EPHX1: variants seen among roughly 807,000 people sequenced by gnomAD.
EPHX1 encodes epoxide hydrolase 1, also known as epoxide hydratase.
A neutral mutation model predicts 43.2 loss-of-function variants in EPHX1; 40 were observed. That is an observed-to-expected ratio of 0.93 (90% CI 0.72 to 1.21). EPHX1 has a LOEUF of 1.21. EPHX1 is among the 50% of genes most tolerant of loss of function. The pLI is 0.00. For missense variants in EPHX1, 550 were observed against 570.4 expected, an observed-to-expected ratio of 0.96 and a Z score of 0.36; for synonymous variants, 221 against 226.7, an observed-to-expected ratio of 0.98 and a Z score of 0.22.
At chr1:225,835,704 CTT>C (rs112510399) in intron 3 of EPHX1, among the ~76,000 whole-genome samples, 18 of 141,714 alleles carry the variant, frequency 1.3e-4, no homozygotes, top group Admixed American at 1.4e-4. Flanking sequence ...TTTTTCTTTC[CTT>C]TTTTTTTTTT....
intron 1 of EPHX1, among the ~76,000 whole-genome samples, chr1:225,821,330 C>T (rs909553714): frequency 1.3e-5 from 2 of 151,762 alleles, no homozygotes; most frequent in African/African-American, 4.8e-5. Context: ...CTGCAACCTC[C>T]GCCTACCCAG....
At chr1:225,810,231 G>A (rs1666404145) in intron 1 of EPHX1, 62 bp downstream of exon 1, 1 of 151,268 alleles carries the variant, frequency 6.6e-6, no homozygotes, top group Admixed American at 6.6e-5. Flanking sequence ...CGGGCTCCGC[G>A]CGGGCTCGGC....
chr1:225,825,265 A>G (rs1424403517), intron 1 of EPHX1: 1 of 152,240 alleles, frequency 6.6e-6, no homozygotes, highest in East Asian at 1.9e-4. Flanking sequence ...CTGTGCACAC[A>G]TGAGATTGGC....
chr1:225,833,136 G>A (rs973560265), intron 3 of EPHX1, among the ~76,000 whole-genome samples: 2 of 152,146 alleles, frequency 1.3e-5, no homozygotes, highest in African/African-American at 4.8e-5. Flanking sequence ...TGGTACTATA[G>A]GCGAGCACCA....
Position 225,817,292 on chromosome 1 carries a change from G to T in EPHX1, c.-6+7123G>T, listed in dbSNP as rs1289047108. Among the ~76,000 whole-genome samples the T allele has an allele frequency of 6.6e-6, 1 of 152,202 alleles. No individual in the cohort carries two copies. Among genetic ancestry groups the T allele is most frequent in the African/African-American group, 2.4e-5 (1 of 41,456 alleles). On this transcript the variant is annotated intron_variant, in intron 1 of 8. Coordinates refer to ENST00000272167, the MANE Select transcript of EPHX1 (RefSeq NM_001136018.4). The surrounding 1 kb of genome is among the most constrained non-coding windows in gnomAD (Gnocchi z 5.7). ...GCCAGCCAAGGGAGTGGGGCTGGGA[G>T]CTTCAGGATGGCTTTTGGGAAGCCC... is the stretch of plus-strand genomic sequence containing the variant.
In EPHX1 at chr1:225,828,875, GC is replaced by G; in HGVS notation, c.149del (p.Pro50LeufsTer41). The stretch of plus-strand genomic sequence containing the variant: ...GCAGCCAGGGAGGACGACAGCATCC[GC>G]CCTTTCAAGGTGGAAACGTCAGATG... ...RSAAREDDSI[R>X]PFKVETSDEE... On this transcript the variant is annotated frameshift_variant, in exon 2 of 9. Transcript: ENST00000272167. LOFTEE classifies it high-confidence loss of function. 6.3e-7 allele frequency: 1 copy of G among 1,599,710 alleles called. No homozygotes were observed. Among genetic ancestry groups the G allele is most frequent in the South Asian group, 1.1e-5 (1 of 89,412 alleles).
intron 1 of EPHX1, among the ~76,000 whole-genome samples, chr1:225,815,425 T>C (rs1330734206): frequency 2.5e-5 from 2 of 81,030 alleles, no homozygotes; most frequent in East Asian, 5.7e-4. Context: ...TTTTTTTTTT[T>C]TTTTTTTTGT....
chr1:225,834,266 A>G (rs2671269), intron 3 of EPHX1, among the ~76,000 whole-genome samples: 121,540 of 151,204 alleles, frequency 0.8, 48,863 homozygotes, highest in East Asian at 0.96. Context: ...TTAGCTGGGC[A>G]TGGTGGCACG....
At chr1:225,837,671 G>A (rs756336996) in intron 3 of EPHX1, among the ~76,000 whole-genome samples, 24 of 152,120 alleles carry the variant, frequency 1.6e-4, no homozygotes, top group Non-Finnish European at 1.2e-4. Flanking sequence ...GCGCCTGTCA[G>A]CATGCCCGGG....
chr1:225,839,118 G>T, intron 4 of EPHX1, 99 bp from the exon 5 acceptor site: 1 of 1,583,056 alleles, frequency 6.3e-7, no homozygotes, highest in South Asian at 1.1e-5. Flanking sequence ...CCTCCACCTG[G>T]GGGTAGGCGG....
At chr1:225,837,096 T>C (rs2740170) in intron 3 of EPHX1, among the ~76,000 whole-genome samples, 120,909 of 151,320 alleles carry the variant, frequency 0.8, 48,142 homozygotes, top group East Asian at 0.96. Flanking sequence ...GTTTTCTGGA[T>C]TCTTTGCAGT....
chr1:225,823,820 C>A (rs189908958), intron 1 of EPHX1, among the ~76,000 whole-genome samples: 1 of 152,300 alleles, frequency 6.6e-6, no homozygotes, highest in East Asian at 1.9e-4. Flanking sequence ...CCCAAGAAGT[C>A]CACCCTGGGG....
intron 1 of EPHX1, among the ~76,000 whole-genome samples, chr1:225,819,000 G>A (rs1324105402): frequency 6.6e-6 from 1 of 151,134 alleles, no homozygotes; most frequent in Non-Finnish European, 1.5e-5. Context: ...GGCGGAGGCG[G>A]GCGGATCACG....
chr1:225,831,820 T>C lies in EPHX1; in HGVS notation c.225T>C (p.Pro75=). 1.2e-6 allele frequency: 2 copies of C among 1,614,192 alleles called. No homozygotes were observed. The highest frequency in any genetic ancestry group is 1.7e-6 in the Non-Finnish European group (2 of 1,180,042). Residue 75 remains proline, a synonymous_variant, in exon 3 of 9, where the codon CCT becomes CCC. Coordinates refer to ENST00000272167, the MANE Select transcript of EPHX1 (RefSeq NM_001136018.4). ...QRIDKFRFTP[P]LEDSCFHYGF... is the part of the protein sequence containing the mutation. Reference sequence around the variant, plus strand: ...TCGATAAGTTCCGTTTCACCCCACCTTTGGAGGACAGCTGCTTCCACTATG... The same window carrying C: ...TCGATAAGTTCCGTTTCACCCCACCCTTGGAGGACAGCTGCTTCCACTATG...
rs1576010425 is a variant in EPHX1, at chr1:225,832,163, C to G, written c.364+204C>G. 4.9e-6 allele frequency: 3 copies of G among 611,250 alleles called. No individual in the cohort carries two copies. In the East Asian group the frequency reaches 8.8e-5, roughly 18 times the overall value. The allele number at this position is 611,250 out of a possible 1,614,324, so 37.9% of individuals were successfully genotyped here. On this transcript the variant is annotated intron_variant, in intron 3 of 8. Coordinates refer to ENST00000272167, the MANE Select transcript of EPHX1 (RefSeq NM_001136018.4). ...GTCCATCTTTAGAGCTAGGCAGGAACACATACATGCAATTTAAAAACCAAA... is the reference window on the plus strand; with the variant it reads ...GTCCATCTTTAGAGCTAGGCAGGAAGACATACATGCAATTTAAAAACCAAA...
intron 1 of EPHX1, among the ~76,000 whole-genome samples, chr1:225,818,184 G>A (rs554865911): frequency 2.0e-5 from 3 of 152,306 alleles, no homozygotes; most frequent in Admixed American, 6.5e-5. Flanking sequence ...GGGGAATTCA[G>A]CTCTTCTTGT....
Position 225,840,024 on chromosome 1 carries a change from G to C in EPHX1, c.918G>C (p.Lys306Asn). The C allele has an allele frequency of 6.2e-7, 1 of 1,614,062 alleles. No homozygotes were observed. Among genetic ancestry groups the C allele is most frequent in the South Asian group, 1.1e-5 (1 of 91,082 alleles). Residue 306 changes from lysine (K) to asparagine (N), a missense_variant, in exon 6 of 9, where the codon AAG becomes AAC. Physicochemically the swap from Lys to Asn is moderately conservative, Grantham distance 94 (BLOSUM62 0). Coordinates refer to ENST00000272167, the MANE Select transcript of EPHX1 (RefSeq NM_001136018.4). ...ESGYMHIQCT[K>N]PDTVGSALND... The stretch of plus-strand genomic sequence containing the variant: ...GCTACATGCACATCCAGTGCACCAA[G>C]CCTGACACCGTAGGTGAGTGTGCTC...
Position 225,817,267 on chromosome 1 carries a change from G to A in EPHX1, c.-6+7098G>A, listed in dbSNP as rs1360815956. Among the ~76,000 whole-genome samples, 1 of 152,180 alleles carries A rather than the reference G, an allele frequency of 6.6e-6. No homozygotes were observed. The highest frequency in any genetic ancestry group is 1.5e-5 in the Non-Finnish European group (1 of 68,034). On this transcript the variant is annotated intron_variant, in intron 1 of 8. Transcript: ENST00000272167. This position sits in a 1 kb window ranked among gnomAD's most constrained non-coding sequence, Gnocchi z 5.7. ...CAGGGTTTGCCTCCGTCACTCTTGG[G>A]CCAGCCAAGGGAGTGGGGCTGGGAG... is the stretch of plus-strand genomic sequence containing the variant.
chr1:225,837,302 C>T (rs529247997), intron 3 of EPHX1, among the ~76,000 whole-genome samples: 2 of 152,288 alleles, frequency 1.3e-5, no homozygotes, highest in African/African-American at 4.8e-5. Context: ...CTGACTGCAC[C>T]AGCCCTGGTG....
Sources: gnomAD v4.1 joint callset for allele counts (sites outside exome capture counted in the v4.1 genomes callset) on GRCh38, gnomAD v4.1.1 for gene constraint, Gnocchi (gnomAD v3.1) non-coding constraint, MANE v1.5 for transcripts, NCBI Gene and HGNC (gene_info 2026-07-23, HGNC 2026-07-21) for gene names.